Variants in NAALADL2 observed in about 807,000 individuals in gnomAD.
NAALADL2 encodes the protein inactive N-acetylated-alpha-linked acidic dipeptidase-like protein 2.
In NAALADL2, 76 loss-of-function variants were observed where a neutral mutation model predicts 87.2. The ratio of observed to expected loss-of-function variants is 0.87; its 90% CI spans 0.72 to 1.05. NAALADL2 has a LOEUF of 1.05. Ranked by LOEUF, NAALADL2 falls within the 50% of genes least tolerant of loss-of-function variation. The pLI, the probability that NAALADL2 is intolerant of heterozygous loss-of-function variation, is 0.00. For missense variants in NAALADL2, 1,089 were observed against 945.8 expected, an observed-to-expected ratio of 1.15 and a Z score of -1.99; for synonymous variants, 354 against 331.0, an observed-to-expected ratio of 1.07 and a Z score of -0.75.
intron 2 of NAALADL2, among the ~76,000 whole-genome samples, chr3:175,156,559 A>AT (rs763732537): frequency 1.4e-5 from 2 of 147,496 alleles, no homozygotes; most frequent in South Asian, 2.1e-4. Flanking sequence ...TAGTAAACTA[A>AT]TGTATCCTAT....
chr3:175,060,413 G>T (rs1387234906), intron 1 of NAALADL2, among the ~76,000 whole-genome samples: 1 of 152,208 alleles, frequency 6.6e-6, no homozygotes, highest in East Asian at 1.9e-4. Context: ...AAAGGTTACA[G>T]AGTGTGAGCA....
intron 4 of NAALADL2, among the ~76,000 whole-genome samples, chr3:175,276,382 C>T (rs1181649592): frequency 1.3e-5 from 2 of 150,876 alleles, no homozygotes; most frequent in Admixed American, 6.7e-5. Context: ...TCACTGCAAC[C>T]TCCACCTCCC....
chr3:175,188,327 A>C (rs1204969542), intron 2 of NAALADL2, among the ~76,000 whole-genome samples: 1 of 152,128 alleles, frequency 6.6e-6, no homozygotes, highest in South Asian at 2.1e-4. Context: ...ACTCTAGGCT[A>C]AGTGGAGCAA....
chr3:175,185,078 G>A (rs1408606900), intron 2 of NAALADL2, among the ~76,000 whole-genome samples: 2 of 151,996 alleles, frequency 1.3e-5, no homozygotes, highest in Non-Finnish European at 2.9e-5. Flanking sequence ...TTTACTTTCT[G>A]AAACATAGCT....
At chr3:175,242,945 C>G (rs1747202102) in intron 3 of NAALADL2, among the ~76,000 whole-genome samples, 1 of 152,144 alleles carries the variant, frequency 6.6e-6, no homozygotes, top group Non-Finnish European at 1.5e-5. Context: ...GTAAGATAGA[C>G]TGGAACAATT....
At chr3:175,206,301 T>TACAC (rs1441202943) in intron 2 of NAALADL2, among the ~76,000 whole-genome samples, 1 of 132,692 alleles carries the variant, frequency 7.5e-6, no homozygotes, top group Non-Finnish European at 1.5e-5. Context: ...TATGTGTATA[T>TACAC]ATATATATAT....
upstream of NAALADL2, among the ~76,000 whole-genome samples, chr3:174,857,520 G>A (rs1725989618): frequency 1.3e-5 from 2 of 152,046 alleles, no homozygotes; most frequent in African/African-American, 4.8e-5. Context: ...GCCTGGGGCA[G>A]GTCTGTAAAT....
chr3:175,459,635 C>T (rs557793931), intron 6 of NAALADL2, among the ~76,000 whole-genome samples: 19 of 152,086 alleles, frequency 1.2e-4, no homozygotes, highest in African/African-American at 4.6e-4. Flanking sequence ...AAAGTTTCTA[C>T]AGTGAAAAAG....
chr3:175,304,153 A>G (rs1325834503), intron 4 of NAALADL2, among the ~76,000 whole-genome samples: 4 of 152,166 alleles, frequency 2.6e-5, no homozygotes, highest in Admixed American at 1.3e-4. Flanking sequence ...TTTGCTCCAG[A>G]CAAGAGAAAA....
At chr3:174,971,888 G>A (rs1743718760) in intron 1 of NAALADL2, among the ~76,000 whole-genome samples, 1 of 152,058 alleles carries the variant, frequency 6.6e-6, no homozygotes, top group African/African-American at 2.4e-5. Context: ...AGTAGAGATG[G>A]ATTTTCACCA....
At chr3:175,262,867 A>G (rs1001399876) in intron 4 of NAALADL2, among the ~76,000 whole-genome samples, 1 of 151,806 alleles carries the variant, frequency 6.6e-6, no homozygotes, top group Non-Finnish European at 1.5e-5. Context: ...CTCTTTTTTT[A>G]TTAAGACAAC....
At chr3:175,733,480 T>C (rs1444833496) in intron 11 of NAALADL2, among the ~76,000 whole-genome samples, 1 of 152,308 alleles carries the variant, frequency 6.6e-6, no homozygotes, top group Admixed American at 6.5e-5. Context: ...AATCATCTCC[T>C]ACTGGGTCCT....
intron 1 of NAALADL2, among the ~76,000 whole-genome samples, chr3:174,909,029 T>C (rs1414450708): frequency 1.3e-5 from 2 of 152,028 alleles, no homozygotes; most frequent in African/African-American, 2.4e-5. Context: ...AAAGATCTCC[T>C]TAGTTGTGTA....
intron 1 of NAALADL2, among the ~76,000 whole-genome samples, chr3:174,965,059 G>A (rs1367240080): frequency 6.6e-6 from 1 of 152,026 alleles, no homozygotes; most frequent in Non-Finnish European, 1.5e-5. Context: ...TTCTAATTTA[G>A]TTGGCTGGTT....
rs537875412 is a variant in NAALADL2 at position 175,258,135 on chromosome 3, T to C, written c.939+1605T>C. Among the ~76,000 whole-genome samples, 100 of 151,882 alleles carry C rather than the reference T, an allele frequency of 6.6e-4. 1 individual carries two copies. The highest frequency in any genetic ancestry group is 2.1e-3 in the Admixed American group (32 of 15,230). On this transcript the variant is annotated intron_variant, in intron 4 of 13. Transcript: ENST00000454872. ...CATCTTGGCCAACATGGTGAAACCC[T>C]GTCTCTACTAAAAATACAAAAAATT...
rs1270627584 is a variant in NAALADL2 at position 175,489,496 on chromosome 3, C to T, written c.1653+17738C>T. Among the ~76,000 whole-genome samples, 5 of 152,254 alleles carry T rather than the reference C, an allele frequency of 3.3e-5. No individual in the cohort carries two copies. The East Asian group carries it at 5.8e-4, about 18-fold the overall frequency. On this transcript the variant is annotated intron_variant, in intron 9 of 13. Coordinates refer to ENST00000454872, the MANE Select transcript of NAALADL2 (RefSeq NM_207015.3). ...GTCATTCTGATTCAAAAGAGAAAGACCTAAGTTGTTAGCATATGAAATTTT... is the reference window on the plus strand; with the variant it reads ...GTCATTCTGATTCAAAAGAGAAAGATCTAAGTTGTTAGCATATGAAATTTT...
intron 2 of NAALADL2, among the ~76,000 whole-genome samples, chr3:174,681,286 G>T (rs1171966333): frequency 6.6e-6 from 1 of 152,134 alleles, no homozygotes; most frequent in Non-Finnish European, 1.5e-5. Context: ...TAATTCCTGG[G>T]CAAGTGCTGA....
At chr3:175,068,311 G>T (rs915917207) in intron 1 of NAALADL2, among the ~76,000 whole-genome samples, 1 of 152,000 alleles carries the variant, frequency 6.6e-6, no homozygotes, top group Non-Finnish European at 1.5e-5. Flanking sequence ...CACAGGAATG[G>T]ATGATTTTTA....
At chr3:174,726,635 T>C (rs1297992859) in intron 2 of NAALADL2, among the ~76,000 whole-genome samples, 1 of 152,066 alleles carries the variant, frequency 6.6e-6, no homozygotes, top group East Asian at 1.9e-4. Flanking sequence ...ATCTATTAAA[T>C]CTGTCTTCTC....
Sources: gnomAD v4.1 joint callset for allele counts (sites outside exome capture counted in the v4.1 genomes callset) on GRCh38, gnomAD v4.1.1 for gene constraint, MANE v1.5 for transcripts, NCBI Gene and HGNC (gene_info 2026-07-23, HGNC 2026-07-21) for gene names.